Variants in CTNNA2 observed in about 807,000 individuals in gnomAD.
The protein encoded by CTNNA2 is catenin alpha-2.
Under a neutral mutation model 101.0 loss-of-function variants are expected in CTNNA2, and 42 were observed. That is an observed-to-expected ratio of 0.42 (90% CI 0.32 to 0.54). CTNNA2 has a LOEUF of 0.54. CTNNA2 is among the 20% of genes least tolerant of loss of function. The probability of loss-of-function intolerance (pLI) is 0.14; values close to 1 mark genes in which losing one functional copy is unlikely to be tolerated. For synonymous variants in CTNNA2, 450 were observed against 456.4 expected, an observed-to-expected ratio of 0.99 and a Z score of 0.18; for missense variants, 871 against 1,223.1, an observed-to-expected ratio of 0.71 and a Z score of 4.29.
chr2:80,415,973 T>G (rs1208912615), intron 8 of CTNNA2, among the ~76,000 whole-genome samples: 1 of 152,046 alleles, frequency 6.6e-6, no homozygotes, highest in Non-Finnish European at 1.5e-5. Context: ...CACTTATATA[T>G]GGAACCTAAA....
intron 2 of CTNNA2, among the ~76,000 whole-genome samples, chr2:79,726,190 A>G (rs1327698878): frequency 2.0e-5 from 3 of 152,108 alleles, no homozygotes; most frequent in Middle Eastern, 3.2e-3. Flanking sequence ...TCATGTTCAC[A>G]TCTACACAGC....
chr2:79,722,607 C>G (rs1686560711), intron 2 of CTNNA2, among the ~76,000 whole-genome samples: 3 of 152,174 alleles, frequency 2.0e-5, no homozygotes, highest in African/African-American at 7.2e-5. Context: ...TATTCTGTCT[C>G]ACAGTACACT....
intron 4 of CTNNA2, among the ~76,000 whole-genome samples, chr2:79,412,604 C>G (rs1678428063): frequency 6.6e-6 from 1 of 151,934 alleles, no homozygotes; most frequent in East Asian, 1.9e-4. Flanking sequence ...CTCAAAACCG[C>G]TCAACTACAT....
At chr2:80,548,634 G>A (rs1354064490) in intron 11 of CTNNA2, among the ~76,000 whole-genome samples, 2 of 152,128 alleles carry the variant, frequency 1.3e-5, no homozygotes, top group African/African-American at 2.4e-5. Context: ...ATGAACAGGC[G>A]CTGTCAGAGA....
chr2:80,452,862 T>C (rs1683633470), intron 9 of CTNNA2, among the ~76,000 whole-genome samples: 1 of 146,952 alleles, frequency 6.8e-6, no homozygotes, highest in African/African-American at 2.7e-5. Context: ...AGATTTATTC[T>C]TGGGATACAG....
intron 7 of CTNNA2, among the ~76,000 whole-genome samples, chr2:80,101,536 T>C (rs1558809702): frequency 6.6e-6 from 1 of 152,222 alleles, no homozygotes; most frequent in African/African-American, 2.4e-5. Context: ...AGTCTATGCG[T>C]GATAGCCTAA....
intron 4 of CTNNA2, among the ~76,000 whole-genome samples, chr2:79,403,412 T>C (rs1304647196): frequency 6.6e-6 from 1 of 151,896 alleles, no homozygotes; most frequent in Non-Finnish European, 1.5e-5. Flanking sequence ...ATCAATTACA[T>C]AGAATTATAT....
At chr2:79,455,812 T>A (rs916038091) in intron 4 of CTNNA2, among the ~76,000 whole-genome samples, 44 of 152,200 alleles carry the variant, frequency 2.9e-4, no homozygotes, top group Admixed American at 1.3e-3. Flanking sequence ...TTTCATACAC[T>A]TAGATACTGT....
At chr2:79,282,054 C>G (rs1176829528) in intron 2 of CTNNA2, among the ~76,000 whole-genome samples, 2 of 152,056 alleles carry the variant, frequency 1.3e-5, no homozygotes, top group Non-Finnish European at 2.9e-5. Context: ...AGTTTATCAT[C>G]TAATTTTTTA....
intron 12 of CTNNA2, chr2:80,572,603 A>G (rs1053970173): frequency 1.3e-5 from 2 of 152,230 alleles, no homozygotes; most frequent in South Asian, 2.1e-4. Context: ...ATGTACAAAA[A>G]TAATTTCATG....
intron 4 of CTNNA2, among the ~76,000 whole-genome samples, chr2:79,437,246 A>C (rs1000576674): frequency 1.3e-5 from 2 of 150,654 alleles, no homozygotes; most frequent in African/African-American, 2.4e-5. Context: ...AAAAAAAAAA[A>C]TTAGAGATAT....
intron 2 of CTNNA2, among the ~76,000 whole-genome samples, chr2:79,677,316 G>C (rs1683253630): frequency 6.6e-6 from 1 of 152,150 alleles, no homozygotes; most frequent in Admixed American, 6.5e-5. Flanking sequence ...TGGGGATGGA[G>C]AGACTAGTTT....
intron 1 of CTNNA2, among the ~76,000 whole-genome samples, chr2:79,619,701 A>G (rs376166602): frequency 9.7e-4 from 148 of 152,122 alleles, no homozygotes; most frequent in African/African-American, 3.5e-3. Flanking sequence ...TGCCATCACC[A>G]CTCCACTCAT....
chr2:80,199,182 GAAAAAAAAAAAAAAAA>G (rs70940076), intron 7 of CTNNA2, among the ~76,000 whole-genome samples: 5 of 40,050 alleles, frequency 1.2e-4, no homozygotes, highest in African/African-American at 4.3e-4. Flanking sequence ...CTCCATCTCA[GAAAAAAAAAAAAAAAA>G]AAAAAAAAAA....
At chr2:80,165,858 T>A (rs1488587016) in intron 7 of CTNNA2, among the ~76,000 whole-genome samples, 2 of 152,182 alleles carry the variant, frequency 1.3e-5, no homozygotes, top group African/African-American at 2.4e-5. Context: ...ACCACCCTGG[T>A]GTGAATGTTG....
At chr2:79,672,110 C>A (rs1225756496) in intron 2 of CTNNA2, among the ~76,000 whole-genome samples, 1 of 151,988 alleles carries the variant, frequency 6.6e-6, no homozygotes, top group Non-Finnish European at 1.5e-5. Context: ...AAAAAAAGTT[C>A]TTTTAAAAAT....
At chr2:79,498,601 A>C (rs1299718423) in intron 4 of CTNNA2, among the ~76,000 whole-genome samples, 1 of 152,192 alleles carries the variant, frequency 6.6e-6, no homozygotes, top group South Asian at 2.1e-4. Context: ...AATTAAAAAA[A>C]AACCCTTAGG....
chr2:80,393,013 T>C (rs1677667076), intron 7 of CTNNA2, among the ~76,000 whole-genome samples, 198 bp from the exon 8 acceptor site: 1 of 152,208 alleles, frequency 6.6e-6, no homozygotes, highest in Non-Finnish European at 1.5e-5. Context: ...GAGAACGTAT[T>C]GGTCTTTATC....
intron 2 of CTNNA2, among the ~76,000 whole-genome samples, chr2:79,262,997 C>A (rs1251190530): frequency 6.6e-6 from 1 of 152,130 alleles, no homozygotes; most frequent in Non-Finnish European, 1.5e-5. Flanking sequence ...TCTCCAAAAT[C>A]TGTTTATTAC....
Sources: allele counts gnomAD v4.1 joint callset (sites outside exome capture counted in the v4.1 genomes callset), GRCh38; gene constraint gnomAD v4.1.1; transcripts MANE v1.5; gene names NCBI Gene and HGNC (gene_info 2026-07-23, HGNC 2026-07-21).